MYO1E: variants seen among roughly 807,000 people sequenced by gnomAD.
MYO1E encodes the protein myosin IE.
A neutral mutation model predicts 151.1 loss-of-function variants in MYO1E; 68 were observed. The ratio of observed to expected loss-of-function variants is 0.45; its 90% CI spans 0.37 to 0.55. The LOEUF (loss-of-function observed/expected upper bound fraction) is 0.55. Ranked by LOEUF, MYO1E falls within the 20% of genes least tolerant of loss-of-function variation. The pLI is 0.00. For synonymous variants in MYO1E, 601 were observed against 501.7 expected (o/e 1.20, Z -2.64); for missense variants, 1,363 against 1,389.3 (o/e 0.98, Z 0.30).
chr15:59,163,546 A>G (rs929107676), intron 22 of MYO1E, among the ~76,000 whole-genome samples: 18 of 152,184 alleles, frequency 1.2e-4, no homozygotes, highest in African/African-American at 4.3e-4. Context: ...CTTTTTCCAC[A>G]TGATTTTTAC....
intron 1 of MYO1E, among the ~76,000 whole-genome samples, chr15:59,366,954 T>G (rs2080917272): frequency 7.3e-6 from 1 of 137,768 alleles, no homozygotes; most frequent in African/African-American, 2.7e-5. Context: ...TTAAGAAACA[T>G]TTTAATCACA....
chr15:59,349,389 G>C (rs2080811559), intron 1 of MYO1E, among the ~76,000 whole-genome samples: 1 of 152,142 alleles, frequency 6.6e-6, no homozygotes. Context: ...GGTTAAGGCA[G>C]AAAAGGGTGT....
chr15:59,245,336 C>T (rs1405446662), intron 4 of MYO1E, among the ~76,000 whole-genome samples: 8 of 152,192 alleles, frequency 5.3e-5, no homozygotes, highest in African/African-American at 1.9e-4. Flanking sequence ...GCAAAAATTA[C>T]ATATTTCAAA....
chr15:59,319,734 T>C lies in MYO1E; in HGVS notation c.4-47285A>G, dbSNP rs138461506. 6.4e-3 allele frequency among the ~76,000 whole-genome samples: 962 copies of C among 151,418 alleles called. 8 individuals carry two copies. The highest frequency in any genetic ancestry group is 0.022 in the African/African-American group (925 of 41,248). On this transcript the variant is annotated intron_variant, in intron 1 of 27. Coordinates refer to ENST00000288235, the MANE Select transcript of MYO1E (RefSeq NM_004998.4). ...GCCTGACCAATATGGATAAACCCTA[T>C]CTCTACTAAAAATAAAAAATTAGCC...
At chr15:59,240,852 G>T (rs907537860) in intron 4 of MYO1E, among the ~76,000 whole-genome samples, 2 of 152,210 alleles carry the variant, frequency 1.3e-5, no homozygotes, top group Non-Finnish European at 2.9e-5. Context: ...TTTTGTTCAT[G>T]CAACACACAC....
intron 23 of MYO1E, among the ~76,000 whole-genome samples, chr15:59,162,176 C>T (rs567109472): frequency 6.6e-6 from 1 of 152,284 alleles, no homozygotes; most frequent in African/African-American, 2.4e-5. Flanking sequence ...GCTGGGACTA[C>T]AGGCATGCAC....
intron 2 of MYO1E, among the ~76,000 whole-genome samples, chr15:59,269,026 A>G (rs2080274519): frequency 6.6e-6 from 1 of 152,094 alleles, no homozygotes; most frequent in South Asian, 2.1e-4. Flanking sequence ...TATAATTTGT[A>G]CAACTACTAC....
chr15:59,218,503 C>A (rs11634548), intron 9 of MYO1E, among the ~76,000 whole-genome samples: 78,572 of 152,000 alleles, frequency 0.52, 22,275 homozygotes, highest in Non-Finnish European at 0.67. Flanking sequence ...CTTTTTAGTA[C>A]AATGTTTTCA....
chr15:59,293,896 A>T (rs2080434338), intron 1 of MYO1E, among the ~76,000 whole-genome samples: 2 of 152,210 alleles, frequency 1.3e-5, no homozygotes, highest in Non-Finnish European at 2.9e-5. Flanking sequence ...TGCAAAAGTT[A>T]GCCAGGCATG....
chr15:59,231,701 CA>C lies in MYO1E; in HGVS notation c.510del (p.Phe170LeufsTer31). 1 of 1,614,012 alleles carries C rather than the reference CA, an allele frequency of 6.2e-7. No homozygotes were observed. Among genetic ancestry groups the C allele is most frequent in the Non-Finnish European group, 8.5e-7 (1 of 1,179,862 alleles). On this transcript the variant is annotated frameshift_variant and splice_region_variant, in exon 6 of 28. Coordinates refer to ENST00000288235, the MANE Select transcript of MYO1E (RefSeq NM_004998.4). LOFTEE classifies it high-confidence loss of function. ...CTCTCTGAAACAGGGAAGGGACTTA[CA>C]AATCGGCTGGAGTTGTTGTTCCGGA... ...KTVRNNNSSRFGKYFEIQFSP... is the reference protein window; with the variant it reads ...KTVRNNNSSRXGKYFEIQFSP...
chr15:59,346,456 AAT>A (rs2080794748), intron 1 of MYO1E, among the ~76,000 whole-genome samples: 1 of 152,198 alleles, frequency 6.6e-6, no homozygotes. Flanking sequence ...AAAATGCTAC[AAT>A]CCCTCTATAT....
intron 18 of MYO1E, among the ~76,000 whole-genome samples, chr15:59,184,960 G>A (rs955247367): frequency 6.6e-6 from 1 of 152,154 alleles, no homozygotes; most frequent in Admixed American, 6.5e-5. Flanking sequence ...GTTATTGCCT[G>A]TCTTTTGGGT....
intron 15 of MYO1E, among the ~76,000 whole-genome samples, chr15:59,203,854 A>T (rs950733012): frequency 3.3e-5 from 5 of 152,176 alleles, no homozygotes; most frequent in African/African-American, 1.2e-4. Flanking sequence ...GGATCCATGT[A>T]AATTAGCAAT....
rs1340581982 is a variant in MYO1E, at chr15:59,135,843, GCAGTCTCTACTTACAA to G, written c.*1521_*1536del. On this transcript the variant is annotated 3_prime_UTR_variant, in exon 28 of 28. Transcript: ENST00000288235. ...CCAGAGGAGGAAAGGTAGAGAAATGGCAGTCTCTACTTACAACCATTCCATTATTGATGGGCATTAC... is the reference window on the plus strand; with the variant it reads ...CCAGAGGAGGAAAGGTAGAGAAATGGCCATTCCATTATTGATGGGCATTAC... The G allele has an allele frequency of 2.0e-5, 3 of 152,176 alleles. No individual in the cohort carries two copies. The highest frequency in any genetic ancestry group is 6.5e-5 in the Admixed American group (1 of 15,278). 9.4% of individuals were successfully genotyped at this position (152,176 alleles called of 1,614,324 possible). A position where few individuals can be genotyped will look rare whatever the true frequency, so the allele number is the denominator to read the frequency against.
chr15:59,339,576 C>T (rs1219720863), intron 1 of MYO1E, among the ~76,000 whole-genome samples: 1 of 152,214 alleles, frequency 6.6e-6, no homozygotes, highest in Admixed American at 6.5e-5. Flanking sequence ...AGGCTCCCAT[C>T]CCAGACATTC....
rs756066968 is a variant in MYO1E, at chr15:59,223,182, T to G, written c.787A>C (p.Asn263His). 2.5e-6 allele frequency: 4 copies of G among 1,614,112 alleles called. No individual in the cohort carries two copies. The South Asian group carries it at 4.4e-5, about 18-fold the overall frequency. ...TCTTCTGCAAAGATCCCAATCACAT[T>G]CATGGCGTGCTGGAAGAGAAAAGAG... ...REFQETLHAM[N>H]VIGIFAEEQT... Residue 263 changes from asparagine to histidine, a missense_variant, in exon 9 of 28, where the codon AAT (asparagine) becomes CAT (histidine). By Grantham distance (68) the Asn-to-His change is moderately conservative. Coordinates refer to ENST00000288235, the MANE Select transcript of MYO1E (RefSeq NM_004998.4).
intron 10 of MYO1E, among the ~76,000 whole-genome samples, chr15:59,216,673 T>TAA (rs2079918971): frequency 3.6e-5 from 1 of 27,966 alleles, no homozygotes; most frequent in Non-Finnish European, 7.6e-5. Context: ...TGTGTATATA[T>TAA]ATATATATAT....
intron 16 of MYO1E, among the ~76,000 whole-genome samples, chr15:59,198,419 C>G (rs2079780887): frequency 6.6e-6 from 1 of 152,190 alleles, no homozygotes. Flanking sequence ...AGTTACATGA[C>G]TAATCACTAG....
rs566518302 is a variant in MYO1E, at chr15:59,317,110, CGTCT to C, written c.4-44665_4-44662del. Among the ~76,000 whole-genome samples the C allele has an allele frequency of 1.8e-3, 272 of 152,206 alleles. 2 individuals carry two copies. The highest frequency in any genetic ancestry group is 2.4e-3 in the Non-Finnish European group (161 of 68,000). ...GGGCATGTACATTCCAATCTTTATC[CGTCT>C]ATCTATCATCCATCCATCTACTCGA... On this transcript the variant is annotated intron_variant, in intron 1 of 27. Coordinates refer to ENST00000288235, the MANE Select transcript of MYO1E (RefSeq NM_004998.4).
Sources: gnomAD v4.1 joint callset for allele counts (sites outside exome capture counted in the v4.1 genomes callset) on GRCh38, gnomAD v4.1.1 for gene constraint, MANE v1.5 for transcripts, NCBI Gene and HGNC (gene_info 2026-07-23, HGNC 2026-07-21) for gene names.